STAT5B: variants seen among roughly 807,000 people sequenced by gnomAD.
STAT5B encodes the protein signal transducer and activator of transcription 5B.
A neutral mutation model predicts 107.8 loss-of-function variants in STAT5B; 21 were observed. That is an observed-to-expected ratio of 0.19 (90% CI 0.14 to 0.28). The LOEUF is 0.28. Among genes scored for constraint, STAT5B ranks in the 10% least tolerant of loss-of-function variants. STAT5B has a pLI of 1.00. For missense variants in STAT5B, 565 were observed against 1,008.2 expected (o/e 0.56, Z 5.95); for synonymous variants, 325 against 401.7 (o/e 0.81, Z 2.28).
intron 3 of STAT5B, among the ~76,000 whole-genome samples, chr17:42,226,562 C>T (rs2080273671): frequency 6.6e-6 from 1 of 151,878 alleles, no homozygotes; most frequent in Non-Finnish European, 1.5e-5. Context: ...AATCCCAGCA[C>T]TTTGGGAGGC....
chr17:42,204,384 T>G lies in STAT5B; in HGVS notation c.2078-1576A>C, dbSNP rs192369248. Among the ~76,000 whole-genome samples, 34 of 152,288 alleles carry G rather than the reference T, an allele frequency of 2.2e-4. 1 individual carries two copies. Among genetic ancestry groups the G allele is most frequent in the Admixed American group, 1.2e-3 (18 of 15,282 alleles). ...ATGGGAATCAGTACAAAGTTAATTATACTAGGCAAGGACGATCACACTATG... is the reference window on the plus strand; with the variant it reads ...ATGGGAATCAGTACAAAGTTAATTAGACTAGGCAAGGACGATCACACTATG... On this transcript the variant is annotated intron_variant, in intron 16 of 18. Transcript: ENST00000293328.
chr17:42,227,393 A>T, intron 3 of STAT5B, 136 bp downstream of exon 3: 3 of 1,225,424 alleles, frequency 2.4e-6, no homozygotes, highest in Non-Finnish European at 3.4e-6. Context: ...AAAAAAAAAA[A>T]GACCAAAACC....
intron 1 of STAT5B, among the ~76,000 whole-genome samples, chr17:42,238,613 C>T (rs2080376701): frequency 1.3e-5 from 2 of 151,780 alleles, no homozygotes; most frequent in Admixed American, 1.3e-4. Flanking sequence ...GCCACCACGC[C>T]TGGCTAATTT....
intron 16 of STAT5B, among the ~76,000 whole-genome samples, chr17:42,206,874 CTTCCT>C (rs2144208026): frequency 7.3e-6 from 1 of 136,816 alleles, no homozygotes; most frequent in East Asian, 2.3e-4. Flanking sequence ...CACGCCCGAC[CTTCCT>C]TTTTTTTTTT....
intron 1 of STAT5B, among the ~76,000 whole-genome samples, chr17:42,273,932 ACAAT>A (rs1185177257): frequency 2.0e-5 from 3 of 152,242 alleles, no homozygotes; most frequent in Non-Finnish European, 4.4e-5. Flanking sequence ...TGACATAAAA[ACAAT>A]CAAGAGAGGA....
intron 1 of STAT5B, among the ~76,000 whole-genome samples, chr17:42,252,453 C>G (rs903477156): frequency 1.3e-5 from 2 of 152,198 alleles, no homozygotes; most frequent in Admixed American, 1.3e-4. Flanking sequence ...AGGACCATGT[C>G]TCTCTGATTC....
intron 16 of STAT5B, among the ~76,000 whole-genome samples, chr17:42,207,257 C>T (rs923483084): frequency 6.6e-6 from 1 of 151,758 alleles, no homozygotes; most frequent in Admixed American, 6.6e-5. Context: ...GCAATAAAAC[C>T]ATCTCTGTCA....
At chr17:42,220,839 C>T (rs1414202303) in intron 5 of STAT5B, among the ~76,000 whole-genome samples, 1 of 152,130 alleles carries the variant, frequency 6.6e-6, no homozygotes, top group African/African-American at 2.4e-5. Context: ...AACACAGGAG[C>T]ACCTGTGTAT....
At chr17:42,256,156 T>G (rs1218327324) in intron 1 of STAT5B, among the ~76,000 whole-genome samples, 1 of 152,176 alleles carries the variant, frequency 6.6e-6, no homozygotes, top group Non-Finnish European at 1.5e-5. Context: ...AAAACCAGTT[T>G]TTGCCTAATA....
upstream of STAT5B, among the ~76,000 whole-genome samples, chr17:42,278,132 T>C (rs1315769388): frequency 6.6e-6 from 1 of 152,210 alleles, no homozygotes; most frequent in African/African-American, 2.4e-5. Flanking sequence ...GCCTTCTTGA[T>C]GTCTGCCCTT....
At chr17:42,233,529 T>G (rs2080334072) in intron 1 of STAT5B, among the ~76,000 whole-genome samples, 2 of 151,854 alleles carry the variant, frequency 1.3e-5, no homozygotes, top group Non-Finnish European at 2.9e-5. Context: ...CTTGCTCTGT[T>G]GCCCAGGCTG....
At chr17:42,243,830 C>T (rs1180648981) in intron 1 of STAT5B, among the ~76,000 whole-genome samples, 1 of 152,120 alleles carries the variant, frequency 6.6e-6, no homozygotes, top group African/African-American at 2.4e-5. Flanking sequence ...TGCAGGCCAC[C>T]AGCATGCAAG....
At chr17:42,227,136 A>AAAATAAATAAATAAATAAAT (rs68033349) in intron 3 of STAT5B, among the ~76,000 whole-genome samples, 1,398 of 132,214 alleles carry the variant, frequency 0.011, 15 homozygotes, top group African/African-American at 0.019. Flanking sequence ...CTCCGTCTCA[A>AAAATAAATAAATAAATAAAT]AAATAAATAA....
chr17:42,267,444 T>C (rs1455583231), intron 1 of STAT5B, among the ~76,000 whole-genome samples: 1 of 152,206 alleles, frequency 6.6e-6, no homozygotes, highest in Non-Finnish European at 1.5e-5. Flanking sequence ...ACCCTGACCC[T>C]GTGTAGGCCT....
intron 1 of STAT5B, among the ~76,000 whole-genome samples, chr17:42,252,048 T>A (rs2080504861): frequency 6.6e-6 from 1 of 151,730 alleles, no homozygotes. Context: ...AATAACTATG[T>A]TACTGTTGAT....
intron 1 of STAT5B, among the ~76,000 whole-genome samples, chr17:42,262,857 C>CAT (rs2080617595): frequency 1.1e-5 from 1 of 92,192 alleles, no homozygotes; most frequent in Non-Finnish European, 2.1e-5. Context: ...TGTATATACA[C>CAT]ACATATATGT....
intron 1 of STAT5B, among the ~76,000 whole-genome samples, chr17:42,268,983 G>A (rs747315056): frequency 5.0e-4 from 76 of 152,262 alleles, no homozygotes; most frequent in Non-Finnish European, 8.4e-4. Context: ...ATGTATGAAT[G>A]TAACTTAACA....
Position 42,276,240 on chromosome 17 carries a change from G to A in STAT5B, c.-11+8C>T, listed in dbSNP as rs1218033638. On this transcript the variant is annotated splice_region_variant and intron_variant, in intron 1 of 18. Transcript: ENST00000293328. The surrounding 1 kb of genome is among the most constrained non-coding windows in gnomAD (Gnocchi z 4.8). The stretch of plus-strand genomic sequence containing the variant: ...CCCCGGGCCCAGGGCTCGCCCCGCA[G>A]CTCCTACCTCGCTCGGCCCCTCGGG... The A allele has an allele frequency of 1.4e-5, 2 of 147,446 alleles. No individual in the cohort carries two copies. Among genetic ancestry groups the A allele is most frequent in the Non-Finnish European group, 3.0e-5 (2 of 66,190 alleles). The allele number at this position is 147,446 out of a possible 1,614,324, so 9.1% of individuals were successfully genotyped here. A position where few individuals can be genotyped will look rare whatever the true frequency, so the allele number is the denominator to read the frequency against.
chr17:42,263,031 ATT>A (rs373970830), intron 1 of STAT5B, among the ~76,000 whole-genome samples: 5,933 of 88,262 alleles, frequency 0.067, 910 homozygotes, highest in African/African-American at 0.24. Flanking sequence ...AACAAAAACA[ATT>A]TTTTTTTTTT....
Sources: gnomAD v4.1 joint callset for allele counts (sites outside exome capture counted in the v4.1 genomes callset) on GRCh38, gnomAD v4.1.1 for gene constraint, Gnocchi (gnomAD v3.1) non-coding constraint, MANE v1.5 for transcripts, NCBI Gene and HGNC (gene_info 2026-07-23, HGNC 2026-07-21) for gene names.